TRMT44: variants seen among roughly 807,000 people sequenced by gnomAD.
TRMT44 encodes tRNA methyltransferase 44 homolog.
In TRMT44, 78 loss-of-function variants were observed where a neutral mutation model predicts 77.3. The ratio of observed to expected loss-of-function variants is 1.01; its 90% CI spans 0.84 to 1.22. TRMT44 has a LOEUF of 1.22. Ranked by LOEUF, TRMT44 falls within the 50% of genes most tolerant of loss-of-function variation. TRMT44 has a pLI of 0.00. For synonymous variants in TRMT44, 391 were observed against 383.3 expected, an observed-to-expected ratio of 1.02 and a Z score of -0.23; for missense variants, 1,090 against 964.4, an observed-to-expected ratio of 1.13 and a Z score of -1.73.
rs778526774 is a variant in TRMT44 at position 8,471,104 on chromosome 4, G to A, written c.1948G>A (p.Val650Ile). Residue 650 changes from valine to isoleucine, a missense_variant, in exon 10 of 11, where the codon GTA becomes ATA. Val to Ile is a conservative substitution (Grantham distance 29). Coordinates refer to ENST00000389737, the MANE Select transcript of TRMT44 (RefSeq NM_152544.3). ...NGGESLSLAE[V>I]ANELDTETLR... ...CACAGAGAGCCTATCTCTGGCAGAAGTAGCCAACGAGCTGGACACGGAGAC... is the reference window on the plus strand; with the variant it reads ...CACAGAGAGCCTATCTCTGGCAGAAATAGCCAACGAGCTGGACACGGAGAC... The A allele has an allele frequency of 1.2e-6, 2 of 1,600,982 alleles. No individual in the cohort carries two copies. Among genetic ancestry groups the A allele is most frequent in the South Asian group, 1.1e-5 (1 of 88,306 alleles).
At chr4:8,471,225 C>T (rs768827425) in intron 10 of TRMT44, 25 bp downstream of exon 10, 35 of 1,438,206 alleles carry the variant, frequency 2.4e-5, no homozygotes, top group South Asian at 1.9e-4. Context: ...TCTCCCCCGC[C>T]GTTCTTTCCT....
the TRMT44 span, among the ~76,000 whole-genome samples, chr4:8,498,854 A>T: frequency 6.6e-6 from 1 of 151,926 alleles, no homozygotes; most frequent in African/African-American, 2.4e-5. The surrounding 1 kb of genome is among the most constrained non-coding windows in gnomAD (Gnocchi z 4.3). Flanking sequence ...ATGGGAGTGA[A>T]CCCCACCTTT....
intron 1 of TRMT44, 141 bp downstream of exon 1, chr4:8,441,582 T>C (rs1035621454): frequency 1.0e-6 from 1 of 1,004,264 alleles, no homozygotes; most frequent in African/African-American, 1.6e-5. Flanking sequence ...GTTTTTTGAG[T>C]GGGCGCATAG....
At position 8,462,391 on chromosome 4, in the gene TRMT44, A is replaced by G. The variant is rs1238501187; in HGVS notation, c.1204-1594A>G. ...GCACCACTGCACGCCAGCCTAGGCA[A>G]CAAGAGCGATACTCCGTCTCAAAGA... On this transcript the variant is annotated intron_variant, in intron 6 of 10. Transcript: ENST00000389737. Among the ~76,000 whole-genome samples the G allele has an allele frequency of 2.9e-5, 4 of 138,964 alleles. No individual in the cohort carries two copies. In the East Asian group the frequency reaches 7.0e-4, roughly 24 times the overall value. 91.2% of individuals were successfully genotyped at this position (138,964 alleles called of 152,430 possible). A position where few individuals can be genotyped will look rare whatever the true frequency, so the allele number is the denominator to read the frequency against.
the TRMT44 span, chr4:8,506,684 C>A: frequency 6.6e-6 from 1 of 152,314 alleles, no homozygotes; most frequent in Non-Finnish European, 1.5e-5. Flanking sequence ...GAATTCTCAC[C>A]TCCTGGGCCA....
At chr4:8,485,854 G>C (rs1396579937) in intron 2 of TRMT44, among the ~76,000 whole-genome samples, 1 of 152,158 alleles carries the variant, frequency 6.6e-6, no homozygotes, top group African/African-American at 2.4e-5. Flanking sequence ...TTTGAAGCTT[G>C]GCTGTCAATA....
downstream of TRMT44, chr4:8,477,235 T>C (rs1727435796): frequency 6.6e-6 from 1 of 151,862 alleles, no homozygotes; most frequent in Admixed American, 6.6e-5. Context: ...TGAGAATAAA[T>C]GGGCATCTTC....
the TRMT44 span, among the ~76,000 whole-genome samples, chr4:8,502,623 C>G: frequency 6.6e-6 from 1 of 151,902 alleles, no homozygotes; most frequent in Non-Finnish European, 1.5e-5. Flanking sequence ...TGGCCAGAGA[C>G]TTGTTGTGCC....
rs568463698 is a variant in TRMT44, at chr4:8,449,221, C to T, written c.735-448C>T. Reference sequence around the variant, plus strand: ...GAAGACATGTGAAAGACAAAATAAGCCGGCAAAATGCACAGCAGCCTTTAT... The same window carrying T: ...GAAGACATGTGAAAGACAAAATAAGTCGGCAAAATGCACAGCAGCCTTTAT... On this transcript the variant is annotated intron_variant, in intron 2 of 10. Transcript: ENST00000389737. 1.6e-4 allele frequency among the ~76,000 whole-genome samples: 24 copies of T among 152,352 alleles called. No homozygotes were observed. In the East Asian group the frequency reaches 3.1e-3, roughly 20 times the overall value.
chr4:8,485,269 G>T (rs1172240358), intron 2 of TRMT44, among the ~76,000 whole-genome samples: 1 of 152,184 alleles, frequency 6.6e-6, no homozygotes. Flanking sequence ...TTAAGATCAA[G>T]AACGGAATAG....
intron 2 of TRMT44, among the ~76,000 whole-genome samples, chr4:8,488,727 G>A (rs1560251437): frequency 6.6e-6 from 1 of 152,220 alleles, no homozygotes; most frequent in Non-Finnish European, 1.5e-5. Flanking sequence ...GCTCAAACAA[G>A]GTTTCTGGTG....
chr4:8,485,486 C>A (rs1190496256), intron 2 of TRMT44, among the ~76,000 whole-genome samples: 1 of 152,124 alleles, frequency 6.6e-6, no homozygotes, highest in Non-Finnish European at 1.5e-5. Flanking sequence ...TGATAACAGG[C>A]TTTAATCCTT....
In TRMT44 at chr4:8,487,673, G is replaced by A. The variant is rs114066018; in HGVS notation, n.3892-5593G>A. Among the ~76,000 whole-genome samples the A allele has an allele frequency of 8.0e-3, 1,222 of 152,030 alleles. 9 individuals carry two copies. Among genetic ancestry groups the A allele is most frequent in the Non-Finnish European group, 0.012 (782 of 67,960 alleles). ...GGGGGTTCTTGCCCCCTAGAAAAGC[G>A]GGACTTACCACTAAGCGTGAAGGAG... On this transcript the variant is annotated intron_variant and non_coding_transcript_variant, in intron 2 of 2. Coordinates refer to the TRMT44 transcript ENST00000511366.
chr4:8,487,771 G>A (rs1471008375), intron 2 of TRMT44, among the ~76,000 whole-genome samples: 2 of 152,040 alleles, frequency 1.3e-5, no homozygotes, highest in Non-Finnish European at 2.9e-5. Context: ...GAAGGGGTTG[G>A]GGTACTTACC....
intron 6 of TRMT44, chr4:8,455,045 GTC>G (rs1725713212): frequency 7.1e-6 from 4 of 565,574 alleles, no homozygotes; most frequent in Middle Eastern, 4.4e-4. Context: ...CAGAAGTGCT[GTC>G]TCTCCCTGAG....
chr4:8,469,063 G>C (rs1305018389), intron 9 of TRMT44, among the ~76,000 whole-genome samples: 1 of 152,218 alleles, frequency 6.6e-6, no homozygotes, highest in Non-Finnish European at 1.5e-5. Context: ...CGCATTTGAG[G>C]GAAACCCTTC....
intron 2 of TRMT44, among the ~76,000 whole-genome samples, chr4:8,484,890 C>G (rs1238165582): frequency 6.6e-6 from 1 of 152,042 alleles, no homozygotes; most frequent in Middle Eastern, 3.2e-3. Context: ...AGGGAGAGCA[C>G]AGGTGTTTTT....
At chr4:8,508,084 TG>T in the TRMT44 span, among the ~76,000 whole-genome samples, 1 of 152,124 alleles carries the variant, frequency 6.6e-6, no homozygotes, top group Admixed American at 6.5e-5. Flanking sequence ...TTTTTGTATT[TG>T]TAGTAGAGAT....
intron 6 of TRMT44, among the ~76,000 whole-genome samples, chr4:8,460,426 TTTCTC>T (rs1464664774): frequency 2.0e-5 from 3 of 152,224 alleles, no homozygotes; most frequent in African/African-American, 4.8e-5. Context: ...GGATTATTCT[TTTCTC>T]TATCACTTAC....
Sources: gnomAD v4.1 joint callset for allele counts (sites outside exome capture counted in the v4.1 genomes callset) on GRCh38, gnomAD v4.1.1 for gene constraint, Gnocchi (gnomAD v3.1) non-coding constraint, MANE v1.5 for transcripts, NCBI Gene and HGNC (gene_info 2026-07-23, HGNC 2026-07-21) for gene names.